Variants in PSMD14 observed in about 807,000 individuals in gnomAD.
PSMD14 encodes the protein ubiquitin C-terminal hydrolase PSMD14.
PSMD14 carries 7 observed loss-of-function variants against 41.2 expected under a neutral mutation model. The observed-to-expected ratio is 0.17, with a 90% CI of 0.10 to 0.32. The LOEUF (loss-of-function observed/expected upper bound fraction) is 0.32, where lower values mean the gene tolerates loss of function less well. PSMD14 is among the 10% of genes least tolerant of loss of function. PSMD14 has a pLI of 1.00. For synonymous variants in PSMD14, 114 were observed against 122.3 expected, an observed-to-expected ratio of 0.93 and a Z score of 0.45; for missense variants, 139 against 375.6, an observed-to-expected ratio of 0.37 and a Z score of 5.21.
At chr2:161,341,708 A>T (rs1411801267) in intron 3 of PSMD14, among the ~76,000 whole-genome samples, 1 of 151,546 alleles carries the variant, frequency 6.6e-6, no homozygotes, top group Non-Finnish European at 1.5e-5. Flanking sequence ...GCGTGGTGGC[A>T]TCTGCCTGTA....
chr2:161,400,381 C>T (rs930058779), intron 10 of PSMD14, among the ~76,000 whole-genome samples: 12 of 152,072 alleles, frequency 7.9e-5, no homozygotes, highest in African/African-American at 2.9e-4. Flanking sequence ...CTTTCAGGAT[C>T]CTTTCCATAA....
At chr2:161,366,006 C>G (rs1683352484) in intron 3 of PSMD14, among the ~76,000 whole-genome samples, 1 of 152,120 alleles carries the variant, frequency 6.6e-6, no homozygotes, top group Non-Finnish European at 1.5e-5. Context: ...CTTAATCTTT[C>G]TTAACTTTCT....
rs1689173365 is a variant in PSMD14 at position 161,318,889 on chromosome 2, CTT to C, written c.48+17_48+18del. On this transcript the variant is annotated intron_variant, in intron 3 of 11. Transcript: ENST00000409682. ...ACTGGGCCAGGTTAGTATATAGTCT[CTT>C]GAGCATTTCCTTGTGTGTAAACTAC... 1 of 1,604,174 alleles carries C rather than the reference CTT, an allele frequency of 6.2e-7. No individual in the cohort carries two copies. Among genetic ancestry groups the C allele is most frequent in the African/African-American group, 1.3e-5 (1 of 74,568 alleles).
At chr2:161,326,893 CATTTTT>C (rs889965285) in intron 3 of PSMD14, among the ~76,000 whole-genome samples, 36 of 152,114 alleles carry the variant, frequency 2.4e-4, no homozygotes, top group Middle Eastern at 3.4e-3. Flanking sequence ...ATATATAAAA[CATTTTT>C]ATTTTTTATT....
At chr2:161,397,655 GAC>G (rs1195580652) in intron 10 of PSMD14, among the ~76,000 whole-genome samples, 1 of 152,086 alleles carries the variant, frequency 6.6e-6, no homozygotes, top group African/African-American at 2.4e-5. Flanking sequence ...TTATCCAAGA[GAC>G]AGTGTATAAA....
intron 10 of PSMD14, among the ~76,000 whole-genome samples, chr2:161,402,252 A>G (rs1303388841): frequency 6.6e-6 from 1 of 152,230 alleles, no homozygotes; most frequent in Non-Finnish European, 1.5e-5. Flanking sequence ...TTGGTCATGC[A>G]TCAAAGAAAA....
At chr2:161,321,385 A>G (rs1682588135) in intron 3 of PSMD14, among the ~76,000 whole-genome samples, 1 of 152,222 alleles carries the variant, frequency 6.6e-6, no homozygotes, top group African/African-American at 2.4e-5. Flanking sequence ...TTAAATCATG[A>G]TCTATACGAA....
At chr2:161,401,145 C>T (rs1683873036) in intron 10 of PSMD14, among the ~76,000 whole-genome samples, 1 of 152,222 alleles carries the variant, frequency 6.6e-6, no homozygotes, top group Admixed American at 6.5e-5. Flanking sequence ...AAGTACGGTA[C>T]TGTAAATGTA....
At chr2:161,379,632 T>C (rs1335765851) in intron 7 of PSMD14, among the ~76,000 whole-genome samples, 1 of 152,022 alleles carries the variant, frequency 6.6e-6, no homozygotes, top group Non-Finnish European at 1.5e-5. Context: ...ACTGTATCAG[T>C]TTGGGTCTTC....
intron 3 of PSMD14, among the ~76,000 whole-genome samples, chr2:161,328,879 A>G (rs1381386347): frequency 6.6e-6 from 1 of 152,156 alleles, no homozygotes; most frequent in Non-Finnish European, 1.5e-5. Flanking sequence ...AGAACAAGTC[A>G]TGGAATAACA....
chr2:161,354,382 A>G (rs1258178924), intron 3 of PSMD14, among the ~76,000 whole-genome samples: 1 of 152,110 alleles, frequency 6.6e-6, no homozygotes, highest in Non-Finnish European at 1.5e-5. Flanking sequence ...AGTGGCTGAG[A>G]CTACAGATTT....
intron 3 of PSMD14, among the ~76,000 whole-genome samples, chr2:161,330,491 C>T (rs920221329): frequency 7.9e-5 from 12 of 152,184 alleles, no homozygotes; most frequent in African/African-American, 1.9e-4. Flanking sequence ...CATTGATCTT[C>T]GGGTTTCCTA....
intron 3 of PSMD14, among the ~76,000 whole-genome samples, chr2:161,366,825 C>T (rs1683365874): frequency 6.6e-6 from 1 of 152,174 alleles, no homozygotes; most frequent in African/African-American, 2.4e-5. Flanking sequence ...AAAGGAGAAA[C>T]ATAGTGTCTT....
At chr2:161,360,100 T>C (rs1683268587) in intron 3 of PSMD14, among the ~76,000 whole-genome samples, 1 of 151,972 alleles carries the variant, frequency 6.6e-6, no homozygotes, top group African/African-American at 2.4e-5. Context: ...TTTTCTCTGA[T>C]AGGACTATGT....
At chr2:161,338,988 G>A (rs1011797894) in intron 3 of PSMD14, among the ~76,000 whole-genome samples, 8 of 151,772 alleles carry the variant, frequency 5.3e-5, no homozygotes. Context: ...CATTTTTTTT[G>A]CTGAGTAGTA....
At chr2:161,356,650 C>G (rs1195651341) in intron 3 of PSMD14, among the ~76,000 whole-genome samples, 2 of 151,756 alleles carry the variant, frequency 1.3e-5, no homozygotes, top group African/African-American at 4.8e-5. Context: ...TGTTATAAAG[C>G]ATATATTTTA....
intron 10 of PSMD14, among the ~76,000 whole-genome samples, chr2:161,403,089 A>G (rs1028309591): frequency 2.0e-5 from 3 of 152,254 alleles, no homozygotes; most frequent in African/African-American, 7.2e-5. Flanking sequence ...AAAAGCGTGT[A>G]TATGAATGTT....
intron 3 of PSMD14, among the ~76,000 whole-genome samples, chr2:161,339,577 A>G (rs1682920031): frequency 6.7e-6 from 1 of 148,754 alleles, no homozygotes; most frequent in Admixed American, 6.8e-5. Context: ...GATCCAAGCC[A>G]TGAGGAGTAC....
intron 3 of PSMD14, among the ~76,000 whole-genome samples, chr2:161,360,373 T>TC (rs1683273766): frequency 6.6e-6 from 1 of 151,344 alleles, no homozygotes; most frequent in African/African-American, 2.4e-5. Flanking sequence ...ATTGTTTTTT[T>TC]TTTTTTTTCA....
Sources: allele counts gnomAD v4.1 joint callset (sites outside exome capture counted in the v4.1 genomes callset), GRCh38; gene constraint gnomAD v4.1.1; transcripts MANE v1.5; gene names NCBI Gene and HGNC (gene_info 2026-07-23, HGNC 2026-07-21).